Variants in NECAB2 observed in about 807,000 individuals in gnomAD.
The protein encoded by NECAB2 is N-terminal EF-hand calcium-binding protein 2.
NECAB2 carries 68 observed loss-of-function variants against 51.9 expected under a neutral mutation model. That is an observed-to-expected ratio of 1.31 (90% CI 1.08 to 1.60). NECAB2 has a LOEUF of 1.60. Among genes scored for constraint, NECAB2 ranks in the 40% most tolerant of loss-of-function variants. NECAB2 has a pLI of 0.00. For synonymous variants in NECAB2, 329 were observed against 203.5 expected (o/e 1.62, Z -5.25); for missense variants, 854 against 490.3 (o/e 1.74, Z -7.00).
chr16:83,966,183 A>G (rs987995434), upstream of NECAB2: 4 of 599,278 alleles, frequency 6.7e-6, no homozygotes, highest in African/African-American at 7.4e-5. Flanking sequence ...CCAGTGTCTG[A>G]GGTGGTAACA....
chr16:83,995,837 TCCTGAAG>T (rs978307313), intron 8 of NECAB2, among the ~76,000 whole-genome samples: 3 of 152,174 alleles, frequency 2.0e-5, no homozygotes, highest in African/African-American at 7.2e-5. Context: ...GTTACCCCCT[TCCTGAAG>T]CCAGCTGCGG....
intron 3 of NECAB2, among the ~76,000 whole-genome samples, chr16:83,979,979 T>C (rs2078139454): frequency 6.6e-6 from 1 of 152,158 alleles, no homozygotes; most frequent in Admixed American, 6.5e-5. Flanking sequence ...GCCAGAACTC[T>C]GAATATGAGA....
intron 2 of NECAB2, among the ~76,000 whole-genome samples, chr16:83,976,834 C>A (rs965045188): frequency 1.3e-5 from 2 of 151,984 alleles, no homozygotes; most frequent in African/African-American, 4.8e-5. Flanking sequence ...GATCTGAGGA[C>A]CCCCCCTCTC....
chr16:83,997,400 A>G, intron 9 of NECAB2, 131 bp downstream of exon 9: 2 of 1,131,144 alleles, frequency 1.8e-6, no homozygotes, highest in Admixed American at 2.1e-5. Flanking sequence ...GATGTCGCCC[A>G]GCGCTTGGCA....
chr16:83,982,112 C>T (rs950573394), intron 5 of NECAB2, among the ~76,000 whole-genome samples: 2 of 152,170 alleles, frequency 1.3e-5, no homozygotes, highest in South Asian at 2.1e-4. Flanking sequence ...GGACCAAGCT[C>T]GGAGCAAAGG....
chr16:83,972,103 G>A (rs775814991), intron 1 of NECAB2, 48 bp from the exon 2 acceptor site: 15 of 1,611,362 alleles, frequency 9.3e-6, no homozygotes, highest in African/African-American at 4.0e-5. Context: ...TGCAGGAAGC[G>A]CTTGCCTCTC....
intron 5 of NECAB2, among the ~76,000 whole-genome samples, chr16:83,983,588 A>G (rs1185702328): frequency 1.3e-5 from 2 of 152,180 alleles, no homozygotes; most frequent in African/African-American, 4.8e-5. Context: ...AAATGATCAT[A>G]TGATTTTTTT....
In NECAB2 at chr16:83,994,269, C is replaced by A. The variant is rs369020539; in HGVS notation, c.597-33C>A. The A allele has an allele frequency of 3.6e-4, 576 of 1,605,756 alleles. 1 individual carries two copies. Among genetic ancestry groups the A allele is most frequent in the Admixed American group, 8.0e-4 (48 of 59,996 alleles). ...GTGGTAAGGGCCCTGAAGCCACCGC[C>A]ATGGTCTGTGTGTGTTCCCATCCAA... On this transcript the variant is annotated intron_variant, in intron 6 of 12. Transcript: ENST00000305202.
At position 83,990,572 on chromosome 16, in the gene NECAB2, C is replaced by G; in HGVS notation, c.538C>G (p.Leu180Val). 6.2e-7 allele frequency: 1 copy of G among 1,614,174 alleles called. No individual in the cohort carries two copies. Among genetic ancestry groups the G allele is most frequent in the Non-Finnish European group, 8.5e-7 (1 of 1,180,036 alleles). The change falls in exon 6 of 13, where the codon CTG becomes GTG. Residue 180 changes from leucine to valine, a missense_variant. Coordinates refer to ENST00000305202, the MANE Select transcript of NECAB2 (RefSeq NM_019065.3). ...LKETANQIQS[L>V]LSSVESAVEA... Reference sequence around the variant, plus strand: ...GGAGACGGCCAATCAGATCCAGTCGCTGCTGAGCTCAGTGGAGAGTGCGGT... The same window carrying G: ...GGAGACGGCCAATCAGATCCAGTCGGTGCTGAGCTCAGTGGAGAGTGCGGT...
At chr16:84,001,357 A>G (rs1218328743) in intron 11 of NECAB2, among the ~76,000 whole-genome samples, 8 of 151,934 alleles carry the variant, frequency 5.3e-5, no homozygotes, top group Admixed American at 5.2e-4. Flanking sequence ...CCATGCCCCC[A>G]TCTCCTGCTT....
chr16:83,968,799 G>C lies in NECAB2; in HGVS notation c.151G>C (p.Ala51Pro). 1 of 1,116,254 alleles carries C rather than the reference G, an allele frequency of 9.0e-7. No homozygotes were observed. The allele number at this position is 1,116,254 out of a possible 1,614,324, so 69.1% of individuals were successfully genotyped here. A position where few individuals can be genotyped will look rare whatever the true frequency, so the allele number is the denominator to read the frequency against. Reference protein sequence around the residue: ...PRESLAPAAPADPGPASPRGG... With the variant: ...PRESLAPAAPPDPGPASPRGG... ...GGAGTCGCTGGCCCCCGCCGCCCCC[G>C]CGGACCCCGGCCCAGCCTCGCCGCG... The change falls in exon 1 of 13, where the codon GCG becomes CCG. Residue 51 changes from alanine (A) to proline (P), a missense_variant. By Grantham distance (27) the Ala-to-Pro change is conservative (BLOSUM62 -1). Transcript: ENST00000305202.
chr16:83,989,983 T>C (rs752673473), intron 5 of NECAB2, among the ~76,000 whole-genome samples: 3 of 152,124 alleles, frequency 2.0e-5, no homozygotes, highest in Non-Finnish European at 4.4e-5. Context: ...AGCCTGGAGA[T>C]CCAGGAGCCC....
chr16:83,995,270 G>A (rs2084681329), intron 8 of NECAB2, among the ~76,000 whole-genome samples: 1 of 152,152 alleles, frequency 6.6e-6, no homozygotes, highest in African/African-American at 2.4e-5. Flanking sequence ...GTTTGTCTTA[G>A]GGCCTACAGA....
chr16:83,990,448 C>T (rs373377159), intron 5 of NECAB2, 46 bp from the exon 6 acceptor site: 3 of 1,603,038 alleles, frequency 1.9e-6, no homozygotes, highest in Non-Finnish European at 2.6e-6. Flanking sequence ...CCTCCAATTT[C>T]CCTCCCACCC....
In NECAB2 at chr16:84,001,822, C is replaced by A. The variant is rs1170199863; in HGVS notation, c.1041-3C>A. On this transcript the variant is annotated splice_polypyrimidine_tract_variant and splice_region_variant and intron_variant, in intron 11 of 12. Transcript: ENST00000305202. ...CTGACTCACACATGTCCCTGCGTCA[C>A]AGGCACCTGCAGAGCCCCCTGTGTA... The A allele has an allele frequency of 6.2e-7, 1 of 1,614,024 alleles. No homozygotes were observed. The highest frequency in any genetic ancestry group is 1.1e-5 in the South Asian group (1 of 91,078).
At chr16:83,978,631 C>T (rs1567666485) in intron 3 of NECAB2, 79 bp downstream of exon 3, 2 of 1,258,332 alleles carry the variant, frequency 1.6e-6, no homozygotes, top group Non-Finnish European at 2.3e-6. Flanking sequence ...GTGTCCGTTC[C>T]TAGTCCCCTG....
intron 3 of NECAB2, 22 bp from the exon 4 acceptor site, chr16:83,980,817 C>G: frequency 1.3e-6 from 2 of 1,566,648 alleles, no homozygotes; most frequent in Non-Finnish European, 8.7e-7. Context: ...CTGTCTGTCT[C>G]TGCCTCTGTC....
intron 6 of NECAB2, among the ~76,000 whole-genome samples, chr16:83,991,944 C>T (rs931557591): frequency 3.3e-5 from 5 of 152,044 alleles, no homozygotes; most frequent in African/African-American, 1.2e-4. Context: ...CAGGAGCCAC[C>T]ACACCCCAGC....
chr16:84,001,673 CCCCTCACCTTCCCACA>C, intron 11 of NECAB2, 136 bp from the exon 12 acceptor site: 5 of 617,342 alleles, frequency 8.1e-6, no homozygotes, highest in African/African-American at 6.9e-5. Flanking sequence ...CCCTGGGCAC[CCCCTCACCTTCCCACA>C]AAGGCTCTGA....
Sources: allele counts gnomAD v4.1 joint callset (sites outside exome capture counted in the v4.1 genomes callset), GRCh38; gene constraint gnomAD v4.1.1; transcripts MANE v1.5; gene names NCBI Gene and HGNC (gene_info 2026-07-23, HGNC 2026-07-21).